Variants in METTL15 observed in about 807,000 individuals in gnomAD.
METTL15 encodes the protein 12S rRNA N(4)-cytidine methyltransferase METTL15.
METTL15 carries 34 observed loss-of-function variants against 38.3 expected under a neutral mutation model. The observed-to-expected ratio is 0.89, with a 90% CI of 0.68 to 1.18. The LOEUF (loss-of-function observed/expected upper bound fraction) is 1.18, where lower values mean the gene tolerates loss of function less well. Ranked by LOEUF, METTL15 falls within the 50% of genes most tolerant of loss-of-function variation. The pLI is 0.00. For missense variants in METTL15, 438 were observed against 498.4 expected (o/e 0.88, Z 1.15); for synonymous variants, 162 against 170.9 (o/e 0.95, Z 0.41).
intron 6 of METTL15, among the ~76,000 whole-genome samples, chr11:28,491,055 A>G (rs1409930898): frequency 4.6e-5 from 7 of 152,164 alleles, no homozygotes; most frequent in Non-Finnish European, 1.0e-4. Context: ...CATCCCTAAA[A>G]GGGAAATTGA....
downstream of METTL15, among the ~76,000 whole-genome samples, chr11:28,336,612 T>A (rs898965934): frequency 6.6e-6 from 1 of 152,168 alleles, no homozygotes; most frequent in Non-Finnish European, 1.5e-5. Context: ...ATGGACTACA[T>A]ATACAATGGT....
chr11:28,474,460 A>G (rs1371092166), intron 6 of METTL15, among the ~76,000 whole-genome samples: 4 of 152,140 alleles, frequency 2.6e-5, no homozygotes, highest in Non-Finnish European at 5.9e-5. Flanking sequence ...AAATTTGGAT[A>G]TATATGTGTT....
At chr11:28,434,683 A>G (rs1197031544) in intron 6 of METTL15, among the ~76,000 whole-genome samples, 1 of 152,198 alleles carries the variant, frequency 6.6e-6, no homozygotes, top group Non-Finnish European at 1.5e-5. Context: ...TGTGTGACAT[A>G]AACTTAGTGG....
chr11:28,328,144 T>C lies in METTL15; in HGVS notation c.779-2252T>C, dbSNP rs766894193. Reference sequence around the variant, plus strand: ...TGGCCCAAACTCTTTATTAGGAAAATGGACGAATTGAATAGCAAATGGTAA... The same window carrying C: ...TGGCCCAAACTCTTTATTAGGAAAACGGACGAATTGAATAGCAAATGGTAA... On this transcript the variant is annotated intron_variant, in intron 6 of 6. Coordinates refer to ENST00000407364, the MANE Select transcript of METTL15 (RefSeq NM_001113528.2). 37 of 1,611,514 alleles carry C rather than the reference T, an allele frequency of 2.3e-5. No individual in the cohort carries two copies. In the Admixed American group the frequency reaches 2.4e-4, roughly 10 times the overall value.
chr11:28,337,583 GT>G, downstream of METTL15, among the ~76,000 whole-genome samples: 1 of 152,094 alleles, frequency 6.6e-6, no homozygotes, highest in African/African-American at 2.4e-5. Context: ...ACAGTAGTGT[GT>G]AGTAATGTCC....
At chr11:28,431,816 A>G (rs1319880949) in intron 6 of METTL15, among the ~76,000 whole-genome samples, 2 of 147,280 alleles carry the variant, frequency 1.4e-5, no homozygotes, top group Non-Finnish European at 3.0e-5. Context: ...AAGAAAAAAA[A>G]AAAAAAAGAA....
At chr11:28,264,448 T>G (rs190520666) in intron 4 of METTL15, among the ~76,000 whole-genome samples, 2 of 152,140 alleles carry the variant, frequency 1.3e-5, no homozygotes, top group East Asian at 3.9e-4. Flanking sequence ...GAACCCTACC[T>G]TAAAATATGT....
At chr11:28,399,305 G>A (rs1017059251) in intron 5 of METTL15, among the ~76,000 whole-genome samples, 8 of 151,762 alleles carry the variant, frequency 5.3e-5, no homozygotes, top group African/African-American at 9.7e-5. Context: ...AACTCAAGAT[G>A]GATTAAAGGC....
intron 6 of METTL15, among the ~76,000 whole-genome samples, chr11:28,492,346 T>G (rs1364373567): frequency 6.6e-6 from 1 of 152,086 alleles, no homozygotes; most frequent in Non-Finnish European, 1.5e-5. Flanking sequence ...GGCAGGTGCT[T>G]CTTTTACTGC....
intron 3 of METTL15, among the ~76,000 whole-genome samples, chr11:28,351,468 A>G (rs971590677): frequency 6.6e-6 from 1 of 152,184 alleles, no homozygotes. Context: ...AGTAGCATAA[A>G]CATCTGGAAT....
At chr11:28,233,294 T>C (rs989424420) in intron 4 of METTL15, among the ~76,000 whole-genome samples, 14 of 152,114 alleles carry the variant, frequency 9.2e-5, no homozygotes, top group Non-Finnish European at 1.6e-4. Context: ...GTAGTAATCC[T>C]AGTAGAATCC....
intron 3 of METTL15, chr11:28,145,709 T>G (rs897537242): frequency 4.6e-5 from 7 of 152,118 alleles, no homozygotes; most frequent in African/African-American, 7.2e-5. Flanking sequence ...ATTGCTTACA[T>G]TATTACTCTG....
intron 3 of METTL15, among the ~76,000 whole-genome samples, chr11:28,150,474 G>C (rs1368653640): frequency 6.6e-6 from 1 of 151,910 alleles, no homozygotes; most frequent in Admixed American, 6.6e-5. Context: ...TTTTGAATAT[G>C]AAGAGGGAGG....
In METTL15 at chr11:28,517,676, G is replaced by T. The variant is rs192401538; in HGVS notation, c.*425-8802G>T. ...TTATTTCTATATTTCACTCCTTGCC[G>T]CTCTTTCCATTCTCAACTGTCATTG... On this transcript the variant is annotated intron_variant and NMD_transcript_variant, in intron 6 of 7. Transcript: ENST00000532947. 3.9e-5 allele frequency among the ~76,000 whole-genome samples: 6 copies of T among 152,230 alleles called. No homozygotes were observed. The East Asian group carries it at 1.2e-3, about 29-fold the overall frequency.
At chr11:28,408,510 A>T (rs1850696156) in intron 5 of METTL15, among the ~76,000 whole-genome samples, 2 of 152,200 alleles carry the variant, frequency 1.3e-5, no homozygotes, top group Admixed American at 6.5e-5. Flanking sequence ...AATCATGTAT[A>T]AGAATAGTTT....
chr11:28,232,402 A>G (rs1329618643), intron 4 of METTL15, among the ~76,000 whole-genome samples: 2 of 151,792 alleles, frequency 1.3e-5, no homozygotes, highest in Non-Finnish European at 2.9e-5. Flanking sequence ...AATAAACTTT[A>G]TTTTTGAATA....
chr11:28,281,273 G>A (rs1856044333), intron 4 of METTL15, among the ~76,000 whole-genome samples: 1 of 152,076 alleles, frequency 6.6e-6, no homozygotes, highest in African/African-American at 2.4e-5. Flanking sequence ...CCCAGTTTTA[G>A]CCCTTTAGAG....
intron 3 of METTL15, among the ~76,000 whole-genome samples, chr11:28,116,155 T>C (rs1851947538): frequency 6.6e-6 from 1 of 152,190 alleles, no homozygotes; most frequent in Non-Finnish European, 1.5e-5. Flanking sequence ...TTTAAAGTCA[T>C]AATCTAAGAC....
chr11:28,268,566 C>T (rs1031768408), intron 4 of METTL15, among the ~76,000 whole-genome samples: 87 of 152,224 alleles, frequency 5.7e-4, no homozygotes, highest in African/African-American at 2.0e-3. Context: ...ATTATATATA[C>T]TATATAAATG....
Sources: allele counts gnomAD v4.1 joint callset (sites outside exome capture counted in the v4.1 genomes callset), GRCh38; gene constraint gnomAD v4.1.1; transcripts MANE v1.5; gene names NCBI Gene and HGNC (gene_info 2026-07-23, HGNC 2026-07-21).